Variants in ANKRD52 observed in about 807,000 individuals in gnomAD.
The protein encoded by ANKRD52 is serine/threonine-protein phosphatase 6 regulatory ankyrin repeat subunit C.
Under a neutral mutation model 116.0 loss-of-function variants are expected in ANKRD52, and 7 were observed. The observed-to-expected ratio is 0.06, with a 90% CI of 0.03 to 0.11. The LOEUF (loss-of-function observed/expected upper bound fraction) is 0.11, where lower values mean the gene tolerates loss of function less well. Among genes scored for constraint, ANKRD52 ranks in the 10% least tolerant of loss-of-function variants. ANKRD52 has a pLI of 1.00. For synonymous variants in ANKRD52, 528 were observed against 578.1 expected (o/e 0.91, Z 1.24); for missense variants, 839 against 1,408.6 (o/e 0.60, Z 6.47).
Position 56,255,877 on chromosome 12 carries a change from A to G in ANKRD52, c.369T>C (p.Ala123=), listed in dbSNP as rs768715504. The G allele has an allele frequency of 6.3e-7, 1 of 1,575,194 alleles. No homozygotes were observed. Among genetic ancestry groups the G allele is most frequent in the Non-Finnish European group, 8.6e-7 (1 of 1,160,102 alleles). ...TGCTCAACAGGGGTGCCAGAGCCTC[A>G]GCACACTTGGTGGCCCGGTTGGCAG... is the stretch of plus-strand genomic sequence containing the variant. ...VAAANRATKC[A]EALAPLLSSL... Residue 123 remains alanine (A), a synonymous_variant, in exon 5 of 28, where the codon GCT becomes GCC. Coordinates refer to ENST00000267116, the MANE Select transcript of ANKRD52 (RefSeq NM_173595.4). The surrounding 1 kb of genome is among the most constrained non-coding windows in gnomAD (Gnocchi z 4.3).
chr12:56,256,979 C>T (rs552496741), intron 4 of ANKRD52, 36 bp downstream of exon 4: 2 of 1,594,336 alleles, frequency 1.3e-6, no homozygotes, highest in East Asian at 4.5e-5. Flanking sequence ...GCAACTTATC[C>T]TTTTTGAAAG....
At chr12:56,256,904 C>G in intron 4 of ANKRD52, 111 bp downstream of exon 4, 1 of 1,209,928 alleles carries the variant, frequency 8.3e-7, no homozygotes, top group Non-Finnish European at 1.1e-6. Flanking sequence ...CTCCTCACTA[C>G]CTGGGGTAGA....
chr12:56,245,087 A>T lies in ANKRD52; in HGVS notation c.2492+16T>A, dbSNP rs756329148. 7 of 1,613,826 alleles carry T rather than the reference A, an allele frequency of 4.3e-6. No homozygotes were observed. Among genetic ancestry groups the T allele is most frequent in the Non-Finnish European group, 5.9e-6 (7 of 1,179,740 alleles). On this transcript the variant is annotated intron_variant, in intron 22 of 27. Transcript: ENST00000267116. ...GGGCCCTCGCGAGAAGGGCTGATGCAGCAGAAGGGACTTACACTGCACAGT... is the reference window on the plus strand; with the variant it reads ...GGGCCCTCGCGAGAAGGGCTGATGCTGCAGAAGGGACTTACACTGCACAGT...
chr12:56,247,662 G>C, intron 19 of ANKRD52, 25 bp downstream of exon 19: 1 of 1,603,116 alleles, frequency 6.2e-7, no homozygotes, highest in Non-Finnish European at 8.5e-7. Context: ...TGGAAAACCT[G>C]CACCCCACCC....
chr12:56,251,237 G>A (rs1005978173), intron 15 of ANKRD52, among the ~76,000 whole-genome samples: 5 of 150,356 alleles, frequency 3.3e-5, no homozygotes, highest in Non-Finnish European at 4.4e-5. Flanking sequence ...CACCACACCC[G>A]GCCTATTTTT....
Position 56,243,448 on chromosome 12 carries a change from C to A in ANKRD52, c.2981-56G>T. ...AGAGTCCTGTATCCTAGCCAGCCTC[C>A]CCCAAGCCCTGAAGTCTCTTCTCTG... On this transcript the variant is annotated intron_variant, in intron 27 of 27. Coordinates refer to ENST00000267116, the MANE Select transcript of ANKRD52 (RefSeq NM_173595.4). This position sits in a 1 kb window ranked among gnomAD's most constrained non-coding sequence, Gnocchi z 4.6. 1 of 1,558,726 alleles carries A rather than the reference C, an allele frequency of 6.4e-7. No individual in the cohort carries two copies. The highest frequency in any genetic ancestry group is 1.2e-5 in the South Asian group (1 of 84,206).
chr12:56,247,103 G>A (rs1021911807), intron 20 of ANKRD52, among the ~76,000 whole-genome samples: 1 of 151,342 alleles, frequency 6.6e-6, no homozygotes, highest in African/African-American at 2.4e-5. Flanking sequence ...CCAGCACTTC[G>A]GGAGGCCAAG....
chr12:56,245,205 G>A lies in ANKRD52; in HGVS notation c.2405-15C>T. ...ATCTTCATGTCCTGGGCACGAGGAAGGAAGAGTAGTGATGGAGAAAAACGG... is the reference window on the plus strand; with the variant it reads ...ATCTTCATGTCCTGGGCACGAGGAAAGAAGAGTAGTGATGGAGAAAAACGG... On this transcript the variant is annotated splice_polypyrimidine_tract_variant and intron_variant, in intron 21 of 27. Transcript: ENST00000267116. 7 of 1,613,852 alleles carry A rather than the reference G, an allele frequency of 4.3e-6. No homozygotes were observed. Among genetic ancestry groups the A allele is most frequent in the Non-Finnish European group, 5.9e-6 (7 of 1,179,766 alleles).
chr12:56,253,288 C>T lies in ANKRD52; in HGVS notation c.1100G>A (p.Arg367Gln). 1.9e-6 allele frequency: 3 copies of T among 1,612,068 alleles called. No homozygotes were observed. The highest frequency in any genetic ancestry group is 2.2e-5 in the East Asian group (1 of 44,854). Residue 367 changes from arginine (R) to glutamine (Q), a missense_variant and splice_region_variant, in exon 10 of 28, where the codon CGG becomes CAG. Physicochemically the swap from Arg to Gln is conservative, Grantham distance 43 (BLOSUM62 1). Transcript: ENST00000267116. The surrounding 1 kb of genome is among the most constrained non-coding windows in gnomAD (Gnocchi z 5.5). ...TLMTNGADTA[R>Q]RGIHDMFPLH... The stretch of plus-strand genomic sequence containing the variant: ...AAGTGGAGTCGGGGCCCTGACTCAC[C>T]GGGCGGTATCTGCGCCATTGGTCAT...
At position 56,243,531 on chromosome 12, in the gene ANKRD52, GC is replaced by G; in HGVS notation, c.2981-140del. The G allele has an allele frequency of 7.8e-7, 1 of 1,281,766 alleles. No homozygotes were observed. Among genetic ancestry groups the G allele is most frequent in the Non-Finnish European group, 1.1e-6 (1 of 943,580 alleles). 79.4% of individuals were successfully genotyped at this position (1,281,766 alleles called of 1,614,324 possible). On this transcript the variant is annotated intron_variant, in intron 27 of 27. Coordinates refer to ENST00000267116, the MANE Select transcript of ANKRD52 (RefSeq NM_173595.4). This position sits in a 1 kb window ranked among gnomAD's most constrained non-coding sequence, Gnocchi z 4.6. ...GCGGCAGAATCCAAGGGTGACGAGGGCCCAGGAAGGCTGACAGGCAGATTCT... is the reference window on the plus strand; with the variant it reads ...GCGGCAGAATCCAAGGGTGACGAGGGCCAGGAAGGCTGACAGGCAGATTCT...
intron 15 of ANKRD52, 33 bp downstream of exon 15, chr12:56,251,976 TGGGGAA>T (rs751218286): frequency 4.4e-6 from 7 of 1,598,978 alleles, no homozygotes; most frequent in Non-Finnish European, 6.0e-6. Context: ...TTGCATGGGT[TGGGGAA>T]AGCACATCCC....
At position 56,252,859 on chromosome 12, in the gene ANKRD52, G is replaced by A; in HGVS notation, c.1222C>T (p.His408Tyr). Residue 408 changes from histidine (H) to tyrosine (Y), a missense_variant, in exon 12 of 28, where the codon CAT (histidine) becomes TAT (tyrosine). Coordinates refer to ENST00000267116, the MANE Select transcript of ANKRD52 (RefSeq NM_173595.4). This position sits in a 1 kb window ranked among gnomAD's most constrained non-coding sequence, Gnocchi z 4.7. Reference sequence around the variant, plus strand: ...ATGTCAAACCCAGCTGAAAGCACATGCTCATTGCTGAGTGAAGACACAATG... The same window carrying A: ...ATGTCAAACCCAGCTGAAAGCACATACTCATTGCTGAGTGAAGACACAATG... Reference protein sequence around the residue: ...YSIVSSLSNEHVLSAGFDINT... With the variant: ...YSIVSSLSNEYVLSAGFDINT... The A allele has an allele frequency of 6.2e-7, 1 of 1,613,982 alleles. No homozygotes were observed. The highest frequency in any genetic ancestry group is 2.2e-5 in the East Asian group (1 of 44,888).
At position 56,258,274 on chromosome 12, in the gene ANKRD52, C is replaced by G. The variant is rs775792674; in HGVS notation, c.-5G>C. On this transcript the variant is annotated 5_prime_UTR_variant, in exon 1 of 28. Coordinates refer to ENST00000267116, the MANE Select transcript of ANKRD52 (RefSeq NM_173595.4). The stretch of plus-strand genomic sequence containing the variant: ...CGTGATGCTGAGGATCCCCATGGCT[C>G]GGCCCGGGCTCCGTCCGCATCGAGC... 9.4e-6 allele frequency: 15 copies of G among 1,589,456 alleles called. No homozygotes were observed. In the African/African-American group the frequency reaches 1.9e-4, roughly 20 times the overall value.
chr12:56,256,456 A>G (rs1206697727), intron 4 of ANKRD52, among the ~76,000 whole-genome samples: 2 of 152,218 alleles, frequency 1.3e-5, no homozygotes, highest in African/African-American at 4.8e-5. Flanking sequence ...ACCCGAGCTA[A>G]AATGCCCCTC....
In ANKRD52 at chr12:56,253,059, C is replaced by T. The variant is rs766160897; in HGVS notation, c.1128G>A (p.Leu376=). 6.9e-6 allele frequency: 11 copies of T among 1,583,750 alleles called. No homozygotes were observed. The highest frequency in any genetic ancestry group is 8.6e-6 in the Non-Finnish European group (10 of 1,165,136). Residue 376 remains leucine, a synonymous_variant, in exon 11 of 28, where the codon CTG becomes CTA. Coordinates refer to ENST00000267116, the MANE Select transcript of ANKRD52 (RefSeq NM_173595.4). The surrounding 1 kb of genome is among the most constrained non-coding windows in gnomAD (Gnocchi z 5.5). ...AGAATCCAAAGAGAACAGCTAAGTG[C>T]AGGGGGAACATGTCATGGATGCCAC... ...ARRGIHDMFP[L]HLAVLFGFSD... is the part of the protein sequence containing the mutation.
chr12:56,253,485 T>A lies in ANKRD52; in HGVS notation c.986-83A>T. The A allele has an allele frequency of 9.0e-7, 1 of 1,107,328 alleles. No homozygotes were observed. Among genetic ancestry groups the A allele is most frequent in the Non-Finnish European group, 1.4e-6 (1 of 734,886 alleles). The allele number at this position is 1,107,328 out of a possible 1,614,324, so 68.6% of individuals were successfully genotyped here. ...GCGAGCTAGCCATGATTTGAGTGCC[T>A]ACTATGTATGCATCAGGTGCCAGGC... On this transcript the variant is annotated intron_variant, in intron 9 of 27. Coordinates refer to ENST00000267116, the MANE Select transcript of ANKRD52 (RefSeq NM_173595.4). This position sits in a 1 kb window ranked among gnomAD's most constrained non-coding sequence, Gnocchi z 5.5.
In ANKRD52 at chr12:56,254,309, T is replaced by A. The variant is rs1443937603; in HGVS notation, c.694-30A>T. 5 of 1,604,112 alleles carry A rather than the reference T, an allele frequency of 3.1e-6. No homozygotes were observed. Among genetic ancestry groups the A allele is most frequent in the Non-Finnish European group, 4.3e-6 (5 of 1,173,536 alleles). On this transcript the variant is annotated intron_variant, in intron 7 of 27. Transcript: ENST00000267116. The surrounding 1 kb of genome is among the most constrained non-coding windows in gnomAD (Gnocchi z 4.6). ...ATATTCAGGGGTGAGAGTAAGGTGG[T>A]ATCAGTTTAAACAAAGTAGAAGCCA...
chr12:56,254,553 CAACCCCAGAGCTCA>C lies in ANKRD52; in HGVS notation c.693+11_693+24del. 1 of 1,608,980 alleles carries C rather than the reference CAACCCCAGAGCTCA, an allele frequency of 6.2e-7. No homozygotes were observed. Among genetic ancestry groups the C allele is most frequent in the Non-Finnish European group, 8.5e-7 (1 of 1,177,386 alleles). On this transcript the variant is annotated intron_variant, in intron 7 of 27. Transcript: ENST00000267116. The surrounding 1 kb of genome is among the most constrained non-coding windows in gnomAD (Gnocchi z 4.6). ...TCTCCTACTTGCTGCCCATAGTTCCCAACCCCAGAGCTCAAAGCCCTGACCTCCGCTCCCATCCG... is the reference window on the plus strand; with the variant it reads ...TCTCCTACTTGCTGCCCATAGTTCCCAAGCCCTGACCTCCGCTCCCATCCG...
intron 15 of ANKRD52, among the ~76,000 whole-genome samples, chr12:56,251,387 G>T (rs544865098): frequency 6.6e-6 from 1 of 151,624 alleles, no homozygotes; most frequent in East Asian, 2.0e-4. Flanking sequence ...TGGGATTATA[G>T]GCGTGTGCCA....
Sources: allele counts gnomAD v4.1 joint callset (sites outside exome capture counted in the v4.1 genomes callset), GRCh38; gene constraint gnomAD v4.1.1; non-coding constraint Gnocchi (gnomAD v3.1); transcripts MANE v1.5; gene names NCBI Gene and HGNC (gene_info 2026-07-23, HGNC 2026-07-21).